RIPOR3: variants seen among roughly 807,000 people sequenced by gnomAD.
RIPOR3 encodes the protein RIPOR family member 3.
RIPOR3 carries 95 observed loss-of-function variants against 114.3 expected under a neutral mutation model. The ratio of observed to expected loss-of-function variants is 0.83; its 90% CI spans 0.70 to 0.99. RIPOR3 has a LOEUF of 0.99. Ranked by LOEUF, RIPOR3 falls within the 50% of genes least tolerant of loss-of-function variation. The probability of loss-of-function intolerance (pLI) is 0.00; values close to 1 mark genes in which losing one functional copy is unlikely to be tolerated. For synonymous variants in RIPOR3, 575 were observed against 543.8 expected, an observed-to-expected ratio of 1.06 and a Z score of -0.80; for missense variants, 1,252 against 1,266.9, an observed-to-expected ratio of 0.99 and a Z score of 0.18.
intron 1 of RIPOR3, among the ~76,000 whole-genome samples, chr20:50,648,639 G>A (rs772458538): frequency 2.6e-5 from 4 of 151,956 alleles, no homozygotes; most frequent in African/African-American, 7.3e-5. Flanking sequence ...TCCATAATGT[G>A]GAATCAGTGG....
chr20:50,665,948 A>G (rs541195169), intron 1 of RIPOR3, among the ~76,000 whole-genome samples: 1 of 151,900 alleles, frequency 6.6e-6, no homozygotes, highest in East Asian at 2.0e-4. Context: ...AGACATCTAA[A>G]TTTTATGAGC....
At chr20:50,595,169 A>G (rs2083245050) in intron 16 of RIPOR3, 200 bp downstream of exon 16, 1 of 651,392 alleles carries the variant, frequency 1.5e-6, no homozygotes, top group African/African-American at 1.8e-5. Context: ...AGCTGACTGA[A>G]GAGTGTGCTG....
At chr20:50,660,169 A>G (rs2085947649) in intron 1 of RIPOR3, 1 of 152,224 alleles carries the variant, frequency 6.6e-6, no homozygotes, top group African/African-American at 2.4e-5. Context: ...GATCCCAGTG[A>G]TAGAGCTAAG....
At position 50,608,487 on chromosome 20, in the gene RIPOR3, C is replaced by T. The variant is rs142109340; in HGVS notation, c.858G>A (p.Thr286=). Residue 286 remains threonine, a synonymous_variant, in exon 11 of 22, where the codon ACG becomes ACA. Transcript: ENST00000327979. The part of the protein sequence containing the change: ...GLGSLAVGAV[T]CDIADFFTTR... ...TCGTGAAGAAGTCGGCGATGTCACACGTCACTGCACCCACAGCCAGCGAGC... is the reference window on the plus strand; with the variant it reads ...TCGTGAAGAAGTCGGCGATGTCACATGTCACTGCACCCACAGCCAGCGAGC... 6.9e-5 allele frequency: 112 copies of T among 1,613,820 alleles called. No individual in the cohort carries two copies. The highest frequency in any genetic ancestry group is 1.2e-4 in the Admixed American group (7 of 59,998).
At chr20:50,647,245 G>A (rs950298734) in intron 1 of RIPOR3, among the ~76,000 whole-genome samples, 2 of 151,984 alleles carry the variant, frequency 1.3e-5, no homozygotes, top group African/African-American at 4.8e-5. Flanking sequence ...ACTTGAACCC[G>A]GGAGGCGGAG....
In RIPOR3 at chr20:50,619,901, C is replaced by G. The variant is rs571153080; in HGVS notation, c.269+85G>C. ...ACCTGTCACCTCTTGTAGACAAGACCCATCCACGCTTCCCCAGGAAGAGAC... is the reference window on the plus strand; with the variant it reads ...ACCTGTCACCTCTTGTAGACAAGACGCATCCACGCTTCCCCAGGAAGAGAC... On this transcript the variant is annotated intron_variant, in intron 3 of 21. Coordinates refer to ENST00000327979, the MANE Select transcript of RIPOR3 (RefSeq NM_001290268.2). 29 of 1,507,538 alleles carry G rather than the reference C, an allele frequency of 1.9e-5. No homozygotes were observed. In the African/African-American group the frequency reaches 3.6e-4, roughly 19 times the overall value. The allele number at this position is 1,507,538 out of a possible 1,614,324, so 93.4% of individuals were successfully genotyped here.
rs1351080606 is a variant in RIPOR3, at chr20:50,643,775, G to T, written c.4-12919C>A. ...GGCTGGAGTGCAGTGGTGCAATCTCGGCTCACTGCAAGCTCCGCCTCCCGG... is the reference window on the plus strand; with the variant it reads ...GGCTGGAGTGCAGTGGTGCAATCTCTGCTCACTGCAAGCTCCGCCTCCCGG... On this transcript the variant is annotated intron_variant, in intron 1 of 21. Coordinates refer to ENST00000327979, the MANE Select transcript of RIPOR3 (RefSeq NM_001290268.2). Among the ~76,000 whole-genome samples, 19 of 146,772 alleles carry T rather than the reference G, an allele frequency of 1.3e-4. No individual in the cohort carries two copies. The East Asian group carries it at 4.0e-3, about 31-fold the overall frequency.
intron 1 of RIPOR3, among the ~76,000 whole-genome samples, chr20:50,652,268 A>G (rs564811627): frequency 4.6e-5 from 7 of 152,294 alleles, no homozygotes; most frequent in African/African-American, 1.7e-4. Context: ...CCAGGCTCCA[A>G]ACCCTGAGGC....
chr20:50,677,987 A>C (rs766910458), intron 1 of RIPOR3, among the ~76,000 whole-genome samples: 57 of 152,118 alleles, frequency 3.7e-4, no homozygotes, highest in Admixed American at 9.2e-4. Context: ...TCGTCTTCTT[A>C]GTCTGCTTTC....
chr20:50,613,257 G>T (rs973913956), intron 4 of RIPOR3, among the ~76,000 whole-genome samples: 17 of 151,990 alleles, frequency 1.1e-4, no homozygotes, highest in African/African-American at 3.9e-4. Context: ...AGACCAGCCT[G>T]GCCAACATGG....
intron 1 of RIPOR3, chr20:50,653,872 G>A (rs1188678302): frequency 6.6e-6 from 1 of 152,006 alleles, no homozygotes; most frequent in African/African-American, 2.4e-5. Context: ...AATCAGTGCT[G>A]AAAGATCATT....
intron 1 of RIPOR3, among the ~76,000 whole-genome samples, chr20:50,654,732 GGTTTTTTT>G (rs2085746586): frequency 6.6e-6 from 1 of 151,866 alleles, no homozygotes; most frequent in African/African-American, 2.4e-5. Context: ...TGTTTGGTGG[GGTTTTTTT>G]GTTTTTTTGT....
intron 1 of RIPOR3, among the ~76,000 whole-genome samples, chr20:50,669,875 G>T (rs1241107433): frequency 6.7e-6 from 1 of 150,354 alleles, no homozygotes; most frequent in Non-Finnish European, 1.5e-5. Flanking sequence ...AAAAAAAAAA[G>T]GCTGGGCGCA....
In RIPOR3 at chr20:50,618,285, A is replaced by C. The variant is rs77510678; in HGVS notation, c.269+1701T>G. Among the ~76,000 whole-genome samples the C allele has an allele frequency of 1.1e-4, 17 of 150,274 alleles. 1 individual carries two copies. Among genetic ancestry groups the C allele is most frequent in the South Asian group, 6.3e-4 (3 of 4,784 alleles). On this transcript the variant is annotated intron_variant, in intron 3 of 21. Coordinates refer to ENST00000327979, the MANE Select transcript of RIPOR3 (RefSeq NM_001290268.2). ...GACTCCGTCTCAAAAAAAAAAAAAA[A>C]AAAAAAAAAAAAAAAAGGCGTAAGT...
At chr20:50,634,902 G>A (rs6012984) in intron 1 of RIPOR3, among the ~76,000 whole-genome samples, 38,379 of 151,996 alleles carry the variant, frequency 0.25, 7,927 homozygotes, top group African/African-American at 0.58. Flanking sequence ...GCGTGGTGGC[G>A]CATGCCTGTA....
intron 1 of RIPOR3, among the ~76,000 whole-genome samples, chr20:50,665,623 T>G (rs1482291628): frequency 6.6e-6 from 1 of 151,982 alleles, no homozygotes; most frequent in Non-Finnish European, 1.5e-5. Context: ...GGTTTCCTCA[T>G]GTTGGCCAGG....
chr20:50,594,892 C>T, intron 16 of RIPOR3, 178 bp from the exon 17 acceptor site: 1 of 628,820 alleles, frequency 1.6e-6, no homozygotes, highest in Non-Finnish European at 2.7e-6. Context: ...CTCTAAGCAT[C>T]TTACCAGGGC....
chr20:50,593,839 A>T (rs2122885706), intron 17 of RIPOR3, among the ~76,000 whole-genome samples: 1 of 152,196 alleles, frequency 6.6e-6, no homozygotes, highest in Middle Eastern at 3.4e-3. Flanking sequence ...CTCCACAGAG[A>T]AAGGCAAATT....
Position 50,602,247 on chromosome 20 carries a change from G to C in RIPOR3, c.1484C>G (p.Ser495Trp), listed in dbSNP as rs147584980. The change falls in exon 13 of 22, where the codon TCG (serine) becomes TGG (tryptophan). Residue 495 changes from serine to tryptophan, a missense_variant. Physicochemically the swap from Ser to Trp is radical, Grantham distance 177. Coordinates refer to ENST00000327979, the MANE Select transcript of RIPOR3 (RefSeq NM_001290268.2). The surrounding 1 kb of genome is among the most constrained non-coding windows in gnomAD (Gnocchi z 4.3). Reference protein sequence around the residue: ...QGSLFHSGTASSSQNGHEEGA... With the variant: ...QGSLFHSGTAWSSQNGHEEGA... ...TTCCTCGTGGCCGTTCTGGCTACTC[G>C]AGGCTGTGCCGCTGTGGAACAGGGA... The C allele has an allele frequency of 1.2e-6, 2 of 1,613,892 alleles. No homozygotes were observed. The highest frequency in any genetic ancestry group is 1.7e-6 in the Non-Finnish European group (2 of 1,179,962).
Sources: allele counts gnomAD v4.1 joint callset (sites outside exome capture counted in the v4.1 genomes callset), GRCh38; gene constraint gnomAD v4.1.1; non-coding constraint Gnocchi (gnomAD v3.1); transcripts MANE v1.5; gene names NCBI Gene and HGNC (gene_info 2026-07-23, HGNC 2026-07-21).